LSAMP: variants seen among roughly 807,000 people sequenced by gnomAD.
LSAMP encodes limbic system associated membrane protein.
LSAMP carries 7 observed loss-of-function variants against 38.6 expected under a neutral mutation model. That is an observed-to-expected ratio of 0.18 (90% CI 0.10 to 0.34). The LOEUF (loss-of-function observed/expected upper bound fraction) is 0.34. Ranked by LOEUF, LSAMP falls within the 10% of genes least tolerant of loss-of-function variation. The pLI is 1.00. For synonymous variants in LSAMP, 154 were observed against 166.8 expected, an observed-to-expected ratio of 0.92 and a Z score of 0.59; for missense variants, 313 against 420.0, an observed-to-expected ratio of 0.75 and a Z score of 2.23.
At chr3:116,197,163 A>ACACACACACACACACACACACACTCT (rs1268040540) in intron 1 of LSAMP, among the ~76,000 whole-genome samples, 3 of 139,088 alleles carry the variant, frequency 2.2e-5, no homozygotes, top group African/African-American at 7.8e-5. Context: ...ACACACACAC[A>ACACACACACACACACACACACACTCT]CTCTCTCTCT....
chr3:115,935,805 A>G (rs946180139), intron 3 of LSAMP, among the ~76,000 whole-genome samples: 1 of 152,184 alleles, frequency 6.6e-6, no homozygotes, highest in African/African-American at 2.4e-5. Flanking sequence ...TGTAAAATCT[A>G]GCAAGGTGTC....
intron 1 of LSAMP, among the ~76,000 whole-genome samples, chr3:116,322,194 T>G: frequency 6.6e-6 from 1 of 152,140 alleles, no homozygotes; most frequent in Admixed American, 6.5e-5. Flanking sequence ...ATCTGAGAGA[T>G]TTCACATCTT....
At chr3:116,230,792 C>A (rs1039100158) in intron 1 of LSAMP, among the ~76,000 whole-genome samples, 21 of 151,924 alleles carry the variant, frequency 1.4e-4, no homozygotes, top group Admixed American at 8.5e-4. Context: ...TAAAAAAAAA[C>A]TTTTTGCCTT....
intron 3 of LSAMP, among the ~76,000 whole-genome samples, chr3:115,960,831 A>T (rs530437234): frequency 6.6e-6 from 1 of 152,162 alleles, no homozygotes; most frequent in African/African-American, 2.4e-5. Context: ...AAAATCGTTA[A>T]TTTTTTTCCC....
chr3:116,121,462 T>G (rs1030473827), intron 1 of LSAMP, among the ~76,000 whole-genome samples: 1 of 152,194 alleles, frequency 6.6e-6, no homozygotes, highest in Admixed American at 6.5e-5. Flanking sequence ...AATCATAAGC[T>G]TCTTCTGTAA....
chr3:116,163,527 A>G (rs1016050569), intron 1 of LSAMP, among the ~76,000 whole-genome samples: 5 of 151,728 alleles, frequency 3.3e-5, no homozygotes, highest in South Asian at 4.2e-4. Context: ...ATAGTGCCGC[A>G]ATAAACATAC....
At chr3:115,964,640 A>G (rs1219856682) in intron 3 of LSAMP, among the ~76,000 whole-genome samples, 1 of 152,168 alleles carries the variant, frequency 6.6e-6, no homozygotes, top group Non-Finnish European at 1.5e-5. Context: ...GTCTATATAA[A>G]AACACAAAAA....
intron 3 of LSAMP, among the ~76,000 whole-genome samples, chr3:115,939,487 G>C (rs1219234145): frequency 6.6e-6 from 1 of 152,128 alleles, no homozygotes; most frequent in East Asian, 1.9e-4. Context: ...ACTCAGTCAA[G>C]ATCAGTATCA....
At chr3:116,248,282 A>G (rs2046629063) in intron 1 of LSAMP, among the ~76,000 whole-genome samples, 1 of 152,204 alleles carries the variant, frequency 6.6e-6, no homozygotes, top group Non-Finnish European at 1.5e-5. Flanking sequence ...AAGGATGAGT[A>G]GGATTTTAAC....
At chr3:116,151,177 T>G (rs191911128) in intron 1 of LSAMP, among the ~76,000 whole-genome samples, 67 of 152,160 alleles carry the variant, frequency 4.4e-4, no homozygotes, top group Admixed American at 2.0e-3. Context: ...GTCATTGGTA[T>G]GAAGAATCTT....
chr3:115,908,086 G>GATATAT lies in LSAMP; in HGVS notation c.515-55475_515-55470dup, dbSNP rs71616334. Among the ~76,000 whole-genome samples the GATATAT allele has an allele frequency of 7.9e-4, 119 of 150,932 alleles. 1 individual carries two copies. Among genetic ancestry groups the GATATAT allele is most frequent in the East Asian group, 6.8e-3 (35 of 5,140 alleles). Reference sequence around the variant, plus strand: ...TTGACCATACAGGGAAGATAAGAAAGATATATATATATATCTTATAATATG... The same window carrying GATATAT: ...TTGACCATACAGGGAAGATAAGAAAGATATATATATATATATATATCTTATAATATG... On this transcript the variant is annotated intron_variant, in intron 3 of 6. Transcript: ENST00000490035.
rs72947885 is a variant in LSAMP at position 115,809,449 on chromosome 3, C to T, written c.*868G>A. On this transcript the variant is annotated 3_prime_UTR_variant, in exon 7 of 7. Transcript: ENST00000490035. The stretch of plus-strand genomic sequence containing the variant: ...CCCCAGCAACTTGTTACAGCCGCAT[C>T]TCACAATTACAATGCAGGACAGTAT... 2,634 of 153,200 alleles carry T rather than the reference C, an allele frequency of 0.017. 67 individuals are homozygous for T. Among genetic ancestry groups the T allele is most frequent in the African/African-American group, 0.059 (2,439 of 41,546 alleles). 9.5% of individuals were successfully genotyped at this position (153,200 alleles called of 1,614,324 possible).
At chr3:116,282,092 G>C (rs919222438) in intron 1 of LSAMP, among the ~76,000 whole-genome samples, 2 of 152,162 alleles carry the variant, frequency 1.3e-5, no homozygotes, top group African/African-American at 2.4e-5. Flanking sequence ...AAAAGTGAGG[G>C]TAATTTTGGT....
chr3:116,160,855 T>A (rs536483770), intron 1 of LSAMP, among the ~76,000 whole-genome samples: 117 of 152,312 alleles, frequency 7.7e-4, no homozygotes, highest in African/African-American at 2.6e-3. Flanking sequence ...ATTTAGTAGG[T>A]CTTGAATGAG....
intron 1 of LSAMP, among the ~76,000 whole-genome samples, chr3:116,117,798 A>T (rs1256767579): frequency 6.6e-6 from 1 of 152,082 alleles, no homozygotes; most frequent in Non-Finnish European, 1.5e-5. Context: ...AATTATTTCT[A>T]TTAAGAAGGG....
rs143705730 is a variant in LSAMP, at chr3:116,410,564, T to C, written c.155+34313A>G. The stretch of plus-strand genomic sequence containing the variant: ...CTAGCTTCTATTTTAAAACACCTCC[T>C]TAACTTCTTTTCTTACGAAAACTTT... On this transcript the variant is annotated intron_variant, in intron 1 of 6. Coordinates refer to ENST00000490035, the MANE Select transcript of LSAMP (RefSeq NM_002338.5). 5.2e-3 allele frequency among the ~76,000 whole-genome samples: 794 copies of C among 152,188 alleles called. 17 individuals carry two copies. The highest frequency in any genetic ancestry group is 0.018 in the African/African-American group (759 of 41,516).
At position 115,889,880 on chromosome 3, in the gene LSAMP, G is replaced by A. The variant is rs114762018; in HGVS notation, c.515-37263C>T. On this transcript the variant is annotated intron_variant, in intron 3 of 6. Coordinates refer to ENST00000490035, the MANE Select transcript of LSAMP (RefSeq NM_002338.5). Reference sequence around the variant, plus strand: ...GCGAAAAACATACAAATCATATTAAGAGCATCTTATATTGCATTTAAATAT... The same window carrying A: ...GCGAAAAACATACAAATCATATTAAAAGCATCTTATATTGCATTTAAATAT... Among the ~76,000 whole-genome samples the A allele has an allele frequency of 3.9e-5, 6 of 151,974 alleles. No individual in the cohort carries two copies. In the South Asian group the frequency reaches 1.0e-3, roughly 26 times the overall value.
rs536531663 is a variant in LSAMP at position 115,806,209 on chromosome 3, T to G, written c.*4108A>C. 3.3e-5 allele frequency: 5 copies of G among 152,296 alleles called. No individual in the cohort carries two copies. Among genetic ancestry groups the G allele is most frequent in the Admixed American group, 2.0e-4 (3 of 15,292 alleles). The allele number at this position is 152,296 out of a possible 1,614,324, so 9.4% of individuals were successfully genotyped here. On this transcript the variant is annotated 3_prime_UTR_variant, in exon 7 of 7. Transcript: ENST00000490035. ...TATGTCTTTCTACGTGAGCATAGAT[T>G]TTCTTTCTAAACAACCAAATTCAGT...
At chr3:116,140,724 T>C (rs2107514655) in intron 1 of LSAMP, among the ~76,000 whole-genome samples, 1 of 152,092 alleles carries the variant, frequency 6.6e-6, no homozygotes, top group South Asian at 2.1e-4. Flanking sequence ...TTCACGAAGC[T>C]TTATCCACAA....
Sources: allele counts gnomAD v4.1 joint callset (sites outside exome capture counted in the v4.1 genomes callset), GRCh38; gene constraint gnomAD v4.1.1; transcripts MANE v1.5; gene names NCBI Gene and HGNC (gene_info 2026-07-23, HGNC 2026-07-21).